Variants in AGFG1 observed in about 807,000 individuals in gnomAD.
AGFG1 encodes ArfGAP with FG repeats 1.
AGFG1 carries 10 observed loss-of-function variants against 60.6 expected under a neutral mutation model. The ratio of observed to expected loss-of-function variants is 0.16; its 90% CI spans 0.10 to 0.28. The LOEUF (loss-of-function observed/expected upper bound fraction) is 0.28. Among genes scored for constraint, AGFG1 ranks in the 10% least tolerant of loss-of-function variants. The probability of loss-of-function intolerance (pLI) is 1.00; values close to 1 mark genes in which losing one functional copy is unlikely to be tolerated. For missense variants in AGFG1, 537 were observed against 676.5 expected (o/e 0.79, Z 2.29); for synonymous variants, 247 against 242.9 (o/e 1.02, Z -0.16).
chr2:227,534,183 A>G (rs1692242668), intron 7 of AGFG1, among the ~76,000 whole-genome samples: 1 of 152,134 alleles, frequency 6.6e-6, no homozygotes, highest in South Asian at 2.1e-4. Flanking sequence ...TTTACAGTAT[A>G]GTCTTGTATC....
At chr2:227,536,598 A>G in intron 8 of AGFG1, 27 bp from the exon 9 acceptor site, 1 of 1,595,348 alleles carries the variant, frequency 6.3e-7, no homozygotes, top group Non-Finnish European at 8.6e-7. Context: ...AAGAAAAAAA[A>G]TGAACTCTTT....
intron 2 of AGFG1, among the ~76,000 whole-genome samples, chr2:227,495,084 T>C (rs994608278): frequency 6.6e-6 from 1 of 152,214 alleles, no homozygotes; most frequent in Non-Finnish European, 1.5e-5. Flanking sequence ...GGAGGAGATA[T>C]GTATATCATT....
Position 227,505,524 on chromosome 2 carries a change from T to A in AGFG1, c.261+13884T>A, listed in dbSNP as rs547885995. ...ATTTTTTTCCCTCCATCTTTTTACT[T>A]TCCAGATTGGACAATTTCTCTCTTA... is the stretch of plus-strand genomic sequence containing the variant. On this transcript the variant is annotated intron_variant, in intron 2 of 12. Coordinates refer to ENST00000310078, the MANE Select transcript of AGFG1 (RefSeq NM_004504.5). Among the ~76,000 whole-genome samples the A allele has an allele frequency of 2.0e-5, 3 of 152,248 alleles. No homozygotes were observed. The East Asian group carries it at 5.8e-4, about 29-fold the overall frequency.
chr2:227,501,045 C>T (rs1471313651), intron 2 of AGFG1, among the ~76,000 whole-genome samples: 1 of 151,980 alleles, frequency 6.6e-6, no homozygotes, highest in East Asian at 1.9e-4. Context: ...CCACCTACCT[C>T]AGCCTCTCAA....
At chr2:227,539,919 T>G (rs1692434516) in intron 10 of AGFG1, among the ~76,000 whole-genome samples, 2 of 152,286 alleles carry the variant, frequency 1.3e-5, no homozygotes, top group East Asian at 1.9e-4. Flanking sequence ...CACTGCAGCC[T>G]CTACCTCCCG....
chr2:227,483,307 T>C (rs1245816143), intron 1 of AGFG1, among the ~76,000 whole-genome samples: 1 of 152,196 alleles, frequency 6.6e-6, no homozygotes, highest in Non-Finnish European at 1.5e-5. Flanking sequence ...TTAATTACTC[T>C]AAAAATTGTG....
intron 10 of AGFG1, among the ~76,000 whole-genome samples, chr2:227,541,610 GT>G (rs1431179426): frequency 6.6e-6 from 1 of 152,158 alleles, no homozygotes; most frequent in African/African-American, 2.4e-5. Context: ...TTGTAGTATA[GT>G]TTTAAAGTCA....
chr2:227,537,769 A>G (rs1054991834), intron 10 of AGFG1, among the ~76,000 whole-genome samples: 4 of 152,200 alleles, frequency 2.6e-5, no homozygotes, highest in African/African-American at 9.7e-5. Context: ...TATATGTCAC[A>G]ATAATTTAGA....
chr2:227,533,460 T>C, intron 6 of AGFG1, 89 bp from the exon 7 acceptor site: 1 of 1,169,426 alleles, frequency 8.6e-7, no homozygotes, highest in Non-Finnish European at 1.2e-6. Flanking sequence ...TTATAGGACA[T>C]TTAATTTAGG....
intron 2 of AGFG1, among the ~76,000 whole-genome samples, chr2:227,494,207 G>A (rs541471466): frequency 2.6e-4 from 39 of 152,334 alleles, no homozygotes; most frequent in South Asian, 6.2e-4. Flanking sequence ...GTGTGGGACA[G>A]TTGGTACAGC....
chr2:227,479,526 G>C (rs1466443878), intron 1 of AGFG1, among the ~76,000 whole-genome samples: 3 of 129,674 alleles, frequency 2.3e-5, no homozygotes, highest in African/African-American at 7.5e-5. Context: ...TGTTCCAATA[G>C]CATTCTTTGG....
intron 10 of AGFG1, among the ~76,000 whole-genome samples, chr2:227,550,519 T>TA (rs1374637184): frequency 2.6e-5 from 4 of 151,374 alleles, no homozygotes; most frequent in Admixed American, 2.6e-4. Context: ...TTGTCAAAGT[T>TA]ACGTCGGTGC....
chr2:227,496,371 G>T (rs1690974907), intron 2 of AGFG1, among the ~76,000 whole-genome samples: 1 of 151,880 alleles, frequency 6.6e-6, no homozygotes, highest in African/African-American at 2.4e-5. Flanking sequence ...GAACCTGGGT[G>T]GTGGAGCTTG....
intron 2 of AGFG1, among the ~76,000 whole-genome samples, chr2:227,502,091 A>C (rs1008291382): frequency 6.6e-6 from 1 of 152,028 alleles, no homozygotes; most frequent in Non-Finnish European, 1.5e-5. Context: ...ACTCCTGACT[A>C]AAGCGATCCA....
intron 10 of AGFG1, among the ~76,000 whole-genome samples, chr2:227,545,069 A>G (rs1286862968): frequency 2.0e-5 from 3 of 152,070 alleles, no homozygotes; most frequent in Non-Finnish European, 4.4e-5. Flanking sequence ...ACTTGGTTCC[A>G]TTCTCCCCGT....
intron 1 of AGFG1, among the ~76,000 whole-genome samples, chr2:227,475,215 C>T (rs1458934715): frequency 1.3e-5 from 2 of 152,124 alleles, no homozygotes; most frequent in Non-Finnish European, 2.9e-5. Context: ...AATAATATTG[C>T]CTAGATTTTC....
intron 5 of AGFG1, among the ~76,000 whole-genome samples, chr2:227,525,274 A>G (rs1691958728): frequency 6.6e-6 from 1 of 152,162 alleles, no homozygotes; most frequent in South Asian, 2.1e-4. Context: ...TCACTGTCAT[A>G]TTATTTTGAA....
Position 227,559,263 on chromosome 2 carries a change from A to G in AGFG1, c.*4768A>G, listed in dbSNP as rs767055615. On this transcript the variant is annotated 3_prime_UTR_variant, in exon 13 of 13. Coordinates refer to ENST00000310078, the MANE Select transcript of AGFG1 (RefSeq NM_004504.5). ...GGTGGCCACTAGCTTACCATTCCCA[A>G]TTTTTCTTAGTCTCAAACATTCACA... The G allele has an allele frequency of 3.9e-5, 6 of 152,116 alleles. No individual in the cohort carries two copies. Among genetic ancestry groups the G allele is most frequent in the Non-Finnish European group, 7.4e-5 (5 of 67,994 alleles). 9.4% of individuals were successfully genotyped at this position (152,116 alleles called of 1,614,324 possible).
intron 7 of AGFG1, among the ~76,000 whole-genome samples, chr2:227,534,368 A>T (rs984945681): frequency 1.3e-5 from 2 of 152,184 alleles, no homozygotes; most frequent in Non-Finnish European, 2.9e-5. Context: ...GTATTATTGC[A>T]TGTTAAGGCA....
Sources: allele counts gnomAD v4.1 joint callset (sites outside exome capture counted in the v4.1 genomes callset), GRCh38; gene constraint gnomAD v4.1.1; transcripts MANE v1.5; gene names NCBI Gene and HGNC (gene_info 2026-07-23, HGNC 2026-07-21).